The following CDH13 variants were observed in gnomAD, a reference collection of about 807,000 sequenced individuals.
CDH13 encodes cadherin-13.
CDH13 carries 24 observed loss-of-function variants against 63.8 expected under a neutral mutation model. The observed-to-expected ratio is 0.38, with a 90% CI of 0.27 to 0.53. CDH13 has a LOEUF of 0.53. Among genes scored for constraint, CDH13 ranks in the 20% least tolerant of loss-of-function variants. The pLI, the probability that CDH13 is intolerant of heterozygous loss-of-function variation, is 0.85. For synonymous variants in CDH13, 503 were observed against 355.3 expected (o/e 1.42, Z -4.67); for missense variants, 1,049 against 903.1 (o/e 1.16, Z -2.07).
rs572278968 is a variant in CDH13 at position 82,997,182 on chromosome 16, G to T, written c.158-34828G>T. ...GATGATAGTGATGGTGATGATGGTG[G>T]TGATGTTGATGGTAGTGATGATGAT... On this transcript the variant is annotated intron_variant, in intron 2 of 13. Transcript: ENST00000567109. 2.0e-5 allele frequency among the ~76,000 whole-genome samples: 3 copies of T among 151,786 alleles called. No homozygotes were observed. The South Asian group carries it at 6.3e-4, about 32-fold the overall frequency.
At chr16:83,442,454 G>T (rs1308445024) in intron 6 of CDH13, among the ~76,000 whole-genome samples, 1 of 152,202 alleles carries the variant, frequency 6.6e-6, no homozygotes, top group Non-Finnish European at 1.5e-5. Context: ...GTATCTTTCT[G>T]GATGCTGATG....
intron 6 of CDH13, among the ~76,000 whole-genome samples, chr16:83,386,104 G>C (rs1046433613): frequency 1.3e-5 from 2 of 152,170 alleles, no homozygotes; most frequent in Non-Finnish European, 2.9e-5. Flanking sequence ...AGGGTTGTGT[G>C]GATTAAGTAG....
At chr16:83,088,225 G>A (rs1392171647) in intron 3 of CDH13, among the ~76,000 whole-genome samples, 1 of 152,148 alleles carries the variant, frequency 6.6e-6, no homozygotes, top group Non-Finnish European at 1.5e-5. Context: ...ATTCAACTCT[G>A]ACATGTTATT....
intron 5 of CDH13, among the ~76,000 whole-genome samples, chr16:83,269,872 G>C (rs1200231816): frequency 6.6e-6 from 1 of 152,156 alleles, no homozygotes; most frequent in Non-Finnish European, 1.5e-5. Flanking sequence ...TGATTTGTCT[G>C]TCCTGCTTCC....
intron 5 of CDH13, among the ~76,000 whole-genome samples, chr16:83,269,622 C>T (rs1393941967): frequency 6.6e-6 from 1 of 152,176 alleles, no homozygotes; most frequent in Admixed American, 6.5e-5. Context: ...GTTATGTTGT[C>T]CTTAGTGGGA....
At chr16:83,572,427 C>A (rs1598310398) in intron 7 of CDH13, among the ~76,000 whole-genome samples, 1 of 152,134 alleles carries the variant, frequency 6.6e-6, no homozygotes, top group Admixed American at 6.6e-5. Context: ...AGGCACAAGC[C>A]ACAGACCTGG....
intron 7 of CDH13, among the ~76,000 whole-genome samples, chr16:83,522,274 A>C (rs1242347470): frequency 6.6e-6 from 1 of 152,238 alleles, no homozygotes; most frequent in African/African-American, 2.4e-5. Context: ...GGATCACGTC[A>C]AAATGTAGCC....
At chr16:83,736,975 G>T (rs190878323) in intron 10 of CDH13, among the ~76,000 whole-genome samples, 2 of 152,186 alleles carry the variant, frequency 1.3e-5, no homozygotes, top group African/African-American at 4.8e-5. Flanking sequence ...GGAAATGTCA[G>T]TTCCATTGTT....
At chr16:83,014,615 T>C (rs1363642602) in intron 2 of CDH13, among the ~76,000 whole-genome samples, 2 of 149,808 alleles carry the variant, frequency 1.3e-5, no homozygotes, top group East Asian at 3.9e-4. Flanking sequence ...CCTGTAATTC[T>C]AGCTACTTGG....
At chr16:82,776,723 TG>T (rs2151106135) in intron 1 of CDH13, among the ~76,000 whole-genome samples, 1 of 152,330 alleles carries the variant, frequency 6.6e-6, no homozygotes, top group East Asian at 1.9e-4. Context: ...TAGTACTTAA[TG>T]GGGGAACCAC....
chr16:83,363,432 TG>T (rs1407269577), intron 6 of CDH13, among the ~76,000 whole-genome samples: 1 of 152,242 alleles, frequency 6.6e-6, no homozygotes, highest in Non-Finnish European at 1.5e-5. Flanking sequence ...GGAATGGATT[TG>T]GGGTTAGCCT....
intron 2 of CDH13, among the ~76,000 whole-genome samples, chr16:82,903,383 A>G (rs188817927): frequency 1.3e-5 from 2 of 152,230 alleles, no homozygotes; most frequent in Admixed American, 1.3e-4. Flanking sequence ...CCCTGTGAAG[A>G]GCTTTGGATT....
chr16:82,907,606 A>T (rs897773572), intron 2 of CDH13, among the ~76,000 whole-genome samples: 4 of 152,186 alleles, frequency 2.6e-5, no homozygotes, highest in Non-Finnish European at 5.9e-5. Flanking sequence ...GTAAACTATG[A>T]CAGAAAATTC....
chr16:83,614,224 A>G (rs1355354978), intron 8 of CDH13, among the ~76,000 whole-genome samples: 1 of 152,174 alleles, frequency 6.6e-6, no homozygotes, highest in East Asian at 1.9e-4. Flanking sequence ...GGATGACTTT[A>G]AGTCAGTCTG....
At chr16:83,697,360 C>T (rs1414040599) in intron 10 of CDH13, among the ~76,000 whole-genome samples, 1 of 152,072 alleles carries the variant, frequency 6.6e-6, no homozygotes, top group Non-Finnish European at 1.5e-5. Flanking sequence ...ACGTTTTGTT[C>T]GCAATTTTGC....
chr16:83,478,165 A>G (rs902951823), intron 6 of CDH13, among the ~76,000 whole-genome samples: 97 of 152,122 alleles, frequency 6.4e-4, no homozygotes, highest in Non-Finnish European at 1.1e-3. Context: ...GTCTCAAAAA[A>G]AAAAAAAACA....
chr16:83,470,124 T>C (rs867714124), intron 6 of CDH13, among the ~76,000 whole-genome samples: 1 of 152,216 alleles, frequency 6.6e-6, no homozygotes, highest in East Asian at 1.9e-4. Flanking sequence ...TGCACACACA[T>C]ACACCTGTGT....
rs181130339 is a variant in CDH13, at chr16:83,514,052, G to A, written c.960+27397G>A. ...AAAATGAAACTATCTTGTGTGCCTC[G>A]TAGGAATACAACCTGGACGTAGTGT... is the stretch of plus-strand genomic sequence containing the variant. On this transcript the variant is annotated intron_variant, in intron 7 of 13. Transcript: ENST00000567109. Among the ~76,000 whole-genome samples, 105 of 152,214 alleles carry A rather than the reference G, an allele frequency of 6.9e-4. 1 individual carries two copies. The highest frequency in any genetic ancestry group is 2.0e-3 in the African/African-American group (85 of 41,552).
At chr16:82,862,542 C>T (rs2039984554) in intron 2 of CDH13, among the ~76,000 whole-genome samples, 1 of 136,268 alleles carries the variant, frequency 7.3e-6, no homozygotes. Flanking sequence ...GGCCACATAG[C>T]CACCATTAGA....
Sources: allele counts gnomAD v4.1 joint callset (sites outside exome capture counted in the v4.1 genomes callset), GRCh38; gene constraint gnomAD v4.1.1; transcripts MANE v1.5; gene names NCBI Gene and HGNC (gene_info 2026-07-23, HGNC 2026-07-21).